Variants in SLC24A1 observed in about 807,000 individuals in gnomAD.
The protein encoded by SLC24A1 is solute carrier family 24 member 1.
A neutral mutation model predicts 88.1 loss-of-function variants in SLC24A1; 52 were observed. The ratio of observed to expected loss-of-function variants is 0.59; its 90% CI spans 0.47 to 0.74. The LOEUF is 0.74. Ranked by LOEUF, SLC24A1 falls within the 30% of genes least tolerant of loss-of-function variation. SLC24A1 has a pLI of 0.00. For synonymous variants in SLC24A1, 455 were observed against 498.0 expected (o/e 0.91, Z 1.15); for missense variants, 1,173 against 1,363.3 (o/e 0.86, Z 2.20).
At chr15:65,647,492 AAAAAAAAG>A (rs1353767019) in intron 6 of SLC24A1, among the ~76,000 whole-genome samples, 21 of 146,278 alleles carry the variant, frequency 1.4e-4, no homozygotes, top group African/African-American at 4.1e-4. Flanking sequence ...AAAAAAAAAA[AAAAAAAAG>A]AGAGAGACAG....
Position 65,625,682 on chromosome 15 carries a change from C to T in SLC24A1, c.1602C>T (p.Phe534=). 2 of 1,614,030 alleles carry T rather than the reference C, an allele frequency of 1.2e-6. No homozygotes were observed. The highest frequency in any genetic ancestry group is 1.7e-6 in the Non-Finnish European group (2 of 1,179,898). ...GTACCATTGTGGGCTCTGCTGTGTT[C>T]AACATTCTCTTTGTCATTGGCACTT... ...GIGTIVGSAV[F]NILFVIGTCS... is the part of the protein sequence containing the mutation. The change falls in exon 2 of 10, where the codon TTC becomes TTT. Residue 534 remains phenylalanine (F), a synonymous_variant. Transcript: ENST00000261892.
chr15:65,650,981 A>C lies in SLC24A1; in HGVS notation c.2793+39A>C, dbSNP rs1388246442. 6.4e-7 allele frequency: 1 copy of C among 1,574,638 alleles called. No individual in the cohort carries two copies. Reference sequence around the variant, plus strand: ...TCTGTATCTCAGACTCTTTATCCCCAGCAGGGCTGTGGGGTCTCTCGGCAT... The same window carrying C: ...TCTGTATCTCAGACTCTTTATCCCCCGCAGGGCTGTGGGGTCTCTCGGCAT... On this transcript the variant is annotated intron_variant, in intron 7 of 9. Transcript: ENST00000261892. This position sits in a 1 kb window ranked among gnomAD's most constrained non-coding sequence, Gnocchi z 4.1.
rs889762399 is a variant in SLC24A1 at position 65,652,509 on chromosome 15, C to T, written c.2884-133C>T. The T allele has an allele frequency of 1.1e-5, 8 of 730,384 alleles. No individual in the cohort carries two copies. In the Admixed American group the frequency reaches 1.3e-4, roughly 11 times the overall value. The allele number at this position is 730,384 out of a possible 1,614,324, so 45.2% of individuals were successfully genotyped here. ...ATCTCAGCTGTCGGTCCCCCTATCA[C>T]CCTTCCTCACTCAGGCTGAGGGGGT... is the stretch of plus-strand genomic sequence containing the variant. On this transcript the variant is annotated intron_variant, in intron 8 of 9. Transcript: ENST00000261892.
Position 65,654,062 on chromosome 15 carries a change from T to A in SLC24A1, c.3283T>A (p.Cys1095Ser). 6.2e-7 allele frequency: 1 copy of A among 1,613,594 alleles called. No individual in the cohort carries two copies. The highest frequency in any genetic ancestry group is 8.5e-7 in the Non-Finnish European group (1 of 1,179,538). Residue 1095 changes from cysteine to serine, a missense_variant, in exon 10 of 10, where the codon TGT becomes AGT. Cys to Ser is a moderately radical substitution (Grantham distance 112). Coordinates refer to ENST00000261892, the MANE Select transcript of SLC24A1 (RefSeq NM_004727.3). The part of the protein sequence containing the change: ...SVMLEDRIIS[C>S]PVSV Reference sequence around the variant, plus strand: ...GATGTTAGAAGATCGAATCATATCCTGTCCTGTATCTGTCTGAATCAGTCA... The same window carrying A: ...GATGTTAGAAGATCGAATCATATCCAGTCCTGTATCTGTCTGAATCAGTCA...
At chr15:65,642,980 G>T in intron 4 of SLC24A1, 1 of 1,288,098 alleles carries the variant, frequency 7.8e-7, no homozygotes, top group African/African-American at 1.5e-5. Context: ...GGGATGCCGG[G>T]CATCATCACT....
Position 65,650,403 on chromosome 15 carries a change from A to G in SLC24A1, c.2254A>G (p.Ser752Gly), listed in dbSNP as rs1275859114. The G allele has an allele frequency of 4.5e-6, 7 of 1,551,416 alleles. No homozygotes were observed. In the East Asian group the frequency reaches 1.7e-4, roughly 38 times the overall value. The change falls in exon 7 of 10, where the codon AGC (serine) becomes GGC (glycine). Residue 752 changes from serine (S) to glycine (G), a missense_variant. Transcript: ENST00000261892. This position sits in a 1 kb window ranked among gnomAD's most constrained non-coding sequence, Gnocchi z 4.1. ...GGQEDVAEAE[S>G]TGEMPGEEGE... Reference sequence around the variant, plus strand: ...GCAGGAAGATGTGGCTGAGGCCGAGAGCACAGGTGAAATGCCAGGCGAAGA... The same window carrying G: ...GCAGGAAGATGTGGCTGAGGCCGAGGGCACAGGTGAAATGCCAGGCGAAGA...
chr15:65,611,950 A>C (rs2073968087), intron 1 of SLC24A1: 1 of 152,218 alleles, frequency 6.6e-6, no homozygotes, highest in African/African-American at 2.4e-5. Flanking sequence ...AATTTACCTC[A>C]AGACTTGGCC....
At chr15:65,647,474 TCAAAAAAAA>T (rs2075341473) in intron 6 of SLC24A1, among the ~76,000 whole-genome samples, 1 of 54,464 alleles carries the variant, frequency 1.8e-5, no homozygotes, top group African/African-American at 1.2e-4. Flanking sequence ...AGAGACTGTC[TCAAAAAAAA>T]AAAAAAAAAA....
chr15:65,630,736 C>G (rs151159107), intron 2 of SLC24A1, among the ~76,000 whole-genome samples: 1 of 152,118 alleles, frequency 6.6e-6, no homozygotes, highest in African/African-American at 2.4e-5. Flanking sequence ...TTTGGGAGGC[C>G]GAGGTGGGTG....
downstream of SLC24A1, among the ~76,000 whole-genome samples, chr15:65,657,469 G>A (rs1357747937): frequency 3.3e-5 from 5 of 151,582 alleles, no homozygotes; most frequent in Admixed American, 6.6e-5. Flanking sequence ...GTGAAACCCC[G>A]TCTCTACTAA....
In SLC24A1 at chr15:65,628,614, C is replaced by T. The variant is rs143107051; in HGVS notation, c.1890+2644C>T. On this transcript the variant is annotated intron_variant, in intron 2 of 9. Transcript: ENST00000261892. ...CATCTTGCAGGTGAGGAAACTGAAG[C>T]TCAGAGAGGATAATTACTCAGCCAA... Among the ~76,000 whole-genome samples, 14 of 152,264 alleles carry T rather than the reference C, an allele frequency of 9.2e-5. No individual in the cohort carries two copies. The East Asian group carries it at 2.5e-3, about 27-fold the overall frequency.
intron 2 of SLC24A1, among the ~76,000 whole-genome samples, chr15:65,627,777 T>A (rs1450684259): frequency 1.3e-5 from 2 of 152,214 alleles, no homozygotes; most frequent in Non-Finnish European, 2.9e-5. Flanking sequence ...TCTGCTTTTA[T>A]TTAGACTCTA....
rs755476531 is a variant in SLC24A1, at chr15:65,625,521, C to G, written c.1441C>G (p.Leu481Val). Residue 481 changes from leucine to valine, a missense_variant, in exon 2 of 10, where the codon CTG (leucine) becomes GTG (valine). Transcript: ENST00000261892. The part of the protein sequence containing the change: ...IVCDEYFVPA[L>V]GVITDKLQIS... ...TTGCGACGAGTACTTCGTTCCAGCC[C>G]TGGGTGTCATCACAGACAAGCTGCA... 6 of 1,613,930 alleles carry G rather than the reference C, an allele frequency of 3.7e-6. No homozygotes were observed. The highest frequency in any genetic ancestry group is 4.2e-6 in the Non-Finnish European group (5 of 1,179,912).
Position 65,625,087 on chromosome 15 carries a change from C to G in SLC24A1, c.1007C>G (p.Thr336Ser). 6.2e-7 allele frequency: 1 copy of G among 1,613,688 alleles called. No homozygotes were observed. Among genetic ancestry groups the G allele is most frequent in the Non-Finnish European group, 8.5e-7 (1 of 1,179,886 alleles). Residue 336 changes from threonine (T) to serine (S), a missense_variant, in exon 2 of 10, where the codon ACC becomes AGC. Physicochemically the swap from Thr to Ser is moderately conservative, Grantham distance 58 (BLOSUM62 1). Transcript: ENST00000261892. ...ATGACAGGCAGCAGCCCAGCAGAAA[C>G]CAAAGCCTTCACTGCTGCCTGGAGT... Reference protein sequence around the residue: ...STMTGSSPAETKAFTAAWSLR... With the variant: ...STMTGSSPAESKAFTAAWSLR...
chr15:65,654,621 G>T lies in SLC24A1; in HGVS notation c.*542G>T. ...TTATTGGTGAGTCTAAGGATCCAAG[G>T]CTACAGAAAAAAAAGAAATATAACA... On this transcript the variant is annotated 3_prime_UTR_variant, in exon 10 of 10. Coordinates refer to ENST00000261892, the MANE Select transcript of SLC24A1 (RefSeq NM_004727.3). The T allele has an allele frequency of 1.6e-6, 2 of 1,252,942 alleles. No homozygotes were observed. Among genetic ancestry groups the T allele is most frequent in the Non-Finnish European group, 2.1e-6 (2 of 975,454 alleles). 77.6% of individuals were successfully genotyped at this position (1,252,942 alleles called of 1,614,324 possible). A position where few individuals can be genotyped will look rare whatever the true frequency, so the allele number is the denominator to read the frequency against.
chr15:65,660,718 C>G (rs1035597562), downstream of SLC24A1: 7 of 155,574 alleles, frequency 4.5e-5, no homozygotes, highest in African/African-American at 1.7e-4. Context: ...GATTCTGAAG[C>G]TTGTTGAAAA....
At chr15:65,623,898 T>A (rs889529685) in intron 1 of SLC24A1, 57 bp from the exon 2 acceptor site, 5 of 540,336 alleles carry the variant, frequency 9.3e-6, no homozygotes, top group Non-Finnish European at 1.6e-5. Flanking sequence ...TATGAGGGTG[T>A]TATGGATCCC....
chr15:65,624,713 C>A lies in SLC24A1; in HGVS notation c.633C>A (p.Ser211Arg). The A allele has an allele frequency of 6.2e-7, 1 of 1,610,772 alleles. No homozygotes were observed. Among genetic ancestry groups the A allele is most frequent in the Non-Finnish European group, 8.5e-7 (1 of 1,178,268 alleles). Reference sequence around the variant, plus strand: ...CCACATTCATGACAATGGAAACAAGCCATGCGATCACCCCCAGGACAACAG... The same window carrying A: ...CCACATTCATGACAATGGAAACAAGACATGCGATCACCCCCAGGACAACAG... ...VPSTFMTMET[S>R]HAITPRTTVK... Residue 211 changes from serine (S) to arginine (R), a missense_variant, in exon 2 of 10, where the codon AGC (serine) becomes AGA (arginine). Physicochemically the swap from Ser to Arg is moderately radical, Grantham distance 110 (BLOSUM62 -1). Coordinates refer to ENST00000261892, the MANE Select transcript of SLC24A1 (RefSeq NM_004727.3).
In SLC24A1 at chr15:65,625,868, T is replaced by C. The variant is rs1305002402; in HGVS notation, c.1788T>C (p.Tyr596=). ...SLLLLLAYAF[Y]VFTMKWNKHI... The stretch of plus-strand genomic sequence containing the variant: ...TGCTGCTGCTGGCCTATGCCTTCTA[T>C]GTGTTCACCATGAAGTGGAACAAGC... Residue 596 remains tyrosine, a synonymous_variant, in exon 2 of 10, where the codon TAT becomes TAC. Coordinates refer to ENST00000261892, the MANE Select transcript of SLC24A1 (RefSeq NM_004727.3). 6.2e-7 allele frequency: 1 copy of C among 1,614,010 alleles called. No homozygotes were observed. Among genetic ancestry groups the C allele is most frequent in the South Asian group, 1.1e-5 (1 of 91,088 alleles).
Sources: gnomAD v4.1 joint callset for allele counts (sites outside exome capture counted in the v4.1 genomes callset) on GRCh38, gnomAD v4.1.1 for gene constraint, Gnocchi (gnomAD v3.1) non-coding constraint, MANE v1.5 for transcripts, NCBI Gene and HGNC (gene_info 2026-07-23, HGNC 2026-07-21) for gene names.